The following LRRC4C variants were observed in gnomAD, a reference collection of about 807,000 sequenced individuals.
LRRC4C encodes the protein leucine rich repeat containing 4C.
In LRRC4C, 5 loss-of-function variants were observed where a neutral mutation model predicts 33.6. The observed-to-expected ratio is 0.15, with a 90% CI of 0.08 to 0.31. The LOEUF (loss-of-function observed/expected upper bound fraction) is 0.31. Ranked by LOEUF, LRRC4C falls within the 10% of genes least tolerant of loss-of-function variation. The pLI, the probability that LRRC4C is intolerant of heterozygous loss-of-function variation, is 1.00. For missense variants in LRRC4C, 560 were observed against 796.7 expected (o/e 0.70, Z 3.58); for synonymous variants, 329 against 302.0 (o/e 1.09, Z -0.93).
intron 1 of LRRC4C, among the ~76,000 whole-genome samples, chr11:40,999,142 G>T (rs914185382): frequency 9.9e-5 from 15 of 152,008 alleles, no homozygotes; most frequent in African/African-American, 3.6e-4. Flanking sequence ...TTTCTTCTCA[G>T]CCTGATGACA....
intron 2 of LRRC4C, among the ~76,000 whole-genome samples, chr11:40,815,939 C>T (rs182211083): frequency 6.8e-4 from 103 of 152,248 alleles, no homozygotes; most frequent in Middle Eastern, 3.4e-3. Context: ...ATATAAGATG[C>T]TTTCTATACA....
At chr11:40,895,674 T>C (rs994445837) in intron 2 of LRRC4C, among the ~76,000 whole-genome samples, 4 of 152,214 alleles carry the variant, frequency 2.6e-5, no homozygotes, top group Admixed American at 2.6e-4. Context: ...AATATTTTAT[T>C]CTTTTTCTCT....
At chr11:41,097,129 G>A (rs1314323920) in intron 1 of LRRC4C, among the ~76,000 whole-genome samples, 1 of 152,132 alleles carries the variant, frequency 6.6e-6, no homozygotes, top group Non-Finnish European at 1.5e-5. Flanking sequence ...GAGCCTTGAA[G>A]GCATAGGAAA....
chr11:40,118,146 A>C (rs911499175), intron 6 of LRRC4C, among the ~76,000 whole-genome samples: 1 of 148,334 alleles, frequency 6.7e-6, no homozygotes, highest in Non-Finnish European at 1.5e-5. Flanking sequence ...ATATGAAACA[A>C]ATTACCATTA....
chr11:40,172,760 A>G (rs1590612132), intron 5 of LRRC4C, among the ~76,000 whole-genome samples: 2 of 152,086 alleles, frequency 1.3e-5, no homozygotes, highest in East Asian at 3.9e-4. Flanking sequence ...ATCACTCTCG[A>G]TTCATAATGC....
chr11:40,720,592 G>A (rs948192333), intron 2 of LRRC4C, among the ~76,000 whole-genome samples: 1 of 151,562 alleles, frequency 6.6e-6, no homozygotes, highest in African/African-American at 2.4e-5. Context: ...ACATGGCATT[G>A]GGAGGTCAGG....
At chr11:41,307,132 G>A (rs1591222807) in intron 1 of LRRC4C, among the ~76,000 whole-genome samples, 1 of 152,090 alleles carries the variant, frequency 6.6e-6, no homozygotes, top group Non-Finnish European at 1.5e-5. Context: ...GATACGGCTT[G>A]GGGGAGAGAC....
intron 1 of LRRC4C, among the ~76,000 whole-genome samples, chr11:40,943,473 GTT>G (rs1238845621): frequency 6.6e-6 from 1 of 152,140 alleles, no homozygotes; most frequent in Non-Finnish European, 1.5e-5. Context: ...GAACTCACTT[GTT>G]GGCTACAGTT....
chr11:40,157,446 A>G (rs1858796197), intron 5 of LRRC4C, among the ~76,000 whole-genome samples: 1 of 152,242 alleles, frequency 6.6e-6, no homozygotes, highest in Non-Finnish European at 1.5e-5. Flanking sequence ...GTACAGCAAA[A>G]GGAACAGTCA....
intron 3 of LRRC4C, among the ~76,000 whole-genome samples, chr11:40,366,054 C>G (rs1455774602): frequency 6.6e-6 from 1 of 151,928 alleles, no homozygotes; most frequent in Non-Finnish European, 1.5e-5. Flanking sequence ...ATCTCTATTA[C>G]TTAGAAAAAG....
intron 1 of LRRC4C, among the ~76,000 whole-genome samples, chr11:41,077,924 G>T (rs143135191): frequency 6.6e-6 from 1 of 152,032 alleles, no homozygotes; most frequent in Non-Finnish European, 1.5e-5. Flanking sequence ...GTAACTTATC[G>T]AATGCTTTGT....
chr11:40,789,120 A>C (rs1459682258), intron 2 of LRRC4C, among the ~76,000 whole-genome samples: 1 of 147,052 alleles, frequency 6.8e-6, no homozygotes, highest in Non-Finnish European at 1.5e-5. Flanking sequence ...AAAAAAAAGC[A>C]TATTATAAAC....
chr11:40,396,996 T>G (rs947133710), intron 3 of LRRC4C, among the ~76,000 whole-genome samples: 6 of 152,018 alleles, frequency 3.9e-5, no homozygotes, highest in African/African-American at 1.4e-4. Context: ...AACCAACATA[T>G]TAGAAAAAAT....
chr11:40,622,508 A>T (rs1044412732), intron 3 of LRRC4C, among the ~76,000 whole-genome samples: 1 of 151,896 alleles, frequency 6.6e-6, no homozygotes, highest in African/African-American at 2.4e-5. Flanking sequence ...GAGAAAGATG[A>T]GTGTGAGAGT....
intron 1 of LRRC4C, among the ~76,000 whole-genome samples, chr11:41,450,541 C>CA (rs1955984661): frequency 6.6e-6 from 1 of 152,130 alleles, no homozygotes; most frequent in Admixed American, 6.6e-5. Context: ...TTCAGGTAGA[C>CA]ACTGCTTTTA....
intron 1 of LRRC4C, among the ~76,000 whole-genome samples, chr11:41,415,665 C>T (rs1403745394): frequency 6.6e-6 from 1 of 152,032 alleles, no homozygotes; most frequent in Non-Finnish European, 1.5e-5. Flanking sequence ...CGTTTTAATT[C>T]ATTTTAGATG....
chr11:40,219,390 C>A (rs1161557300), intron 5 of LRRC4C, among the ~76,000 whole-genome samples: 5 of 152,158 alleles, frequency 3.3e-5, no homozygotes, highest in Non-Finnish European at 7.3e-5. Context: ...CCAATCCACC[C>A]ATGTCTACCC....
intron 2 of LRRC4C, among the ~76,000 whole-genome samples, chr11:40,871,660 G>T (rs557784337): frequency 6.6e-6 from 1 of 152,082 alleles, no homozygotes; most frequent in African/African-American, 2.4e-5. Context: ...GGTAGCCAGA[G>T]ATAAGAACTC....
intron 6 of LRRC4C, among the ~76,000 whole-genome samples, chr11:40,139,326 T>G (rs1467825259): frequency 6.6e-6 from 1 of 152,210 alleles, no homozygotes; most frequent in Non-Finnish European, 1.5e-5. Context: ...TTTTTTGGAC[T>G]GCAATTCACA....
Sources: allele counts gnomAD v4.1 joint callset (sites outside exome capture counted in the v4.1 genomes callset), GRCh38; gene constraint gnomAD v4.1.1; transcripts MANE v1.5; gene names NCBI Gene and HGNC (gene_info 2026-07-23, HGNC 2026-07-21).